The following BMPR2 variants were observed in gnomAD, a reference collection of about 807,000 sequenced individuals.
BMPR2 encodes bone morphogenetic protein receptor type-2.
BMPR2 carries 29 observed loss-of-function variants against 100.8 expected under a neutral mutation model. The ratio of observed to expected loss-of-function variants is 0.29; its 90% CI spans 0.21 to 0.39. BMPR2 has a LOEUF of 0.39. Among genes scored for constraint, BMPR2 ranks in the 10% least tolerant of loss-of-function variants. The pLI is 1.00. For synonymous variants in BMPR2, 382 were observed against 442.3 expected (o/e 0.86, Z 1.71); for missense variants, 1,011 against 1,274.5 (o/e 0.79, Z 3.15).
At chr2:202,399,391 C>T (rs556512807) in intron 1 of BMPR2, among the ~76,000 whole-genome samples, 1 of 152,208 alleles carries the variant, frequency 6.6e-6, no homozygotes, top group South Asian at 2.1e-4. Flanking sequence ...CTCGATATTT[C>T]ACAGGATCGG....
Position 202,550,621 on chromosome 2 carries a change from G to C in BMPR2, c.1414-2095G>C, listed in dbSNP as rs371380290. On this transcript the variant is annotated intron_variant, in intron 10 of 12. Transcript: ENST00000374580. ...TGTAATCCCAGCACTTTGGGAGACCGAGGCAGAAGGAACATTTTGGCACAG... is the reference window on the plus strand; with the variant it reads ...TGTAATCCCAGCACTTTGGGAGACCCAGGCAGAAGGAACATTTTGGCACAG... Among the ~76,000 whole-genome samples the C allele has an allele frequency of 5.9e-5, 9 of 151,908 alleles. No individual in the cohort carries two copies. In the East Asian group the frequency reaches 1.6e-3, roughly 26 times the overall value.
chr2:202,386,874 G>A (rs1362914754), intron 1 of BMPR2, among the ~76,000 whole-genome samples: 4 of 152,010 alleles, frequency 2.6e-5, no homozygotes, highest in African/African-American at 4.8e-5. Flanking sequence ...TAGTAGAGAC[G>A]GGATTTCACT....
At chr2:202,504,714 C>T (rs1157267035) in intron 3 of BMPR2, among the ~76,000 whole-genome samples, 1 of 137,702 alleles carries the variant, frequency 7.3e-6, no homozygotes, top group Non-Finnish European at 1.5e-5. Flanking sequence ...GAGTCGCACT[C>T]TGTCACTCAG....
intron 12 of BMPR2, among the ~76,000 whole-genome samples, chr2:202,558,324 C>G (rs1313919654): frequency 6.6e-6 from 1 of 151,222 alleles, no homozygotes; most frequent in Admixed American, 6.6e-5. Flanking sequence ...GTTGGCCAGG[C>G]TGGTCTCGAA....
At chr2:202,409,374 T>C (rs1027875897) in intron 1 of BMPR2, among the ~76,000 whole-genome samples, 2 of 151,990 alleles carry the variant, frequency 1.3e-5, no homozygotes, top group Admixed American at 1.3e-4. Flanking sequence ...TACACATATA[T>C]TTCAAAAAAA....
chr2:202,552,637 A>T, intron 10 of BMPR2, 79 bp from the exon 11 acceptor site: 1 of 1,475,932 alleles, frequency 6.8e-7, no homozygotes, highest in Non-Finnish European at 9.4e-7. Context: ...TTTTTCTTTT[A>T]CCTCATGTGG....
Position 202,541,897 on chromosome 2 carries a change from A to G in BMPR2, c.1277-414A>G, listed in dbSNP as rs553437326. 3.9e-5 allele frequency among the ~76,000 whole-genome samples: 6 copies of G among 152,242 alleles called. No homozygotes were observed. The South Asian group carries it at 1.2e-3, about 32-fold the overall frequency. ...GAGGCCGAGGCTGGTGGATCACCTG[A>G]GGTCAGGAGTTCAAGACCAGCCTGG... On this transcript the variant is annotated intron_variant, in intron 9 of 12. Transcript: ENST00000374580.
At chr2:202,473,070 A>G (rs1338754572) in intron 3 of BMPR2, among the ~76,000 whole-genome samples, 1 of 152,250 alleles carries the variant, frequency 6.6e-6, no homozygotes. Flanking sequence ...GAAAGAAAAT[A>G]TAAAAATCAG....
At chr2:202,502,951 C>T (rs1040659468) in intron 3 of BMPR2, among the ~76,000 whole-genome samples, 2 of 152,138 alleles carry the variant, frequency 1.3e-5, no homozygotes, top group South Asian at 2.1e-4. Context: ...TTGTCAAATT[C>T]GTTTCCTCTA....
chr2:202,493,512 T>C (rs1355258805), intron 3 of BMPR2, among the ~76,000 whole-genome samples: 3 of 152,200 alleles, frequency 2.0e-5, no homozygotes, highest in Admixed American at 1.3e-4. Flanking sequence ...TTAAAATTCC[T>C]AGTCTGTTTA....
At chr2:202,558,891 TC>T (rs925266823) in intron 12 of BMPR2, among the ~76,000 whole-genome samples, 1 of 69,592 alleles carries the variant, frequency 1.4e-5, no homozygotes, top group Admixed American at 1.6e-4. Flanking sequence ...AAACTCCATC[TC>T]AAAAAAAAAA....
At chr2:202,377,927 T>A (rs1259083469) in intron 1 of BMPR2, among the ~76,000 whole-genome samples, 1 of 152,240 alleles carries the variant, frequency 6.6e-6, no homozygotes, top group African/African-American at 2.4e-5. Context: ...TTTTTAAAAT[T>A]ATTATTATAA....
At chr2:202,529,108 T>C (rs193093655) in intron 7 of BMPR2, among the ~76,000 whole-genome samples, 5 of 152,312 alleles carry the variant, frequency 3.3e-5, no homozygotes, top group East Asian at 3.9e-4. Flanking sequence ...AAAATAGATA[T>C]AGACAACTCA....
chr2:202,461,641 A>G (rs1197278116), intron 1 of BMPR2, among the ~76,000 whole-genome samples: 1 of 152,222 alleles, frequency 6.6e-6, no homozygotes, highest in Non-Finnish European at 1.5e-5. Flanking sequence ...GACCTGTGCA[A>G]ACAGTTTTGA....
At chr2:202,473,606 A>G (rs1025719971) in intron 3 of BMPR2, among the ~76,000 whole-genome samples, 1 of 151,324 alleles carries the variant, frequency 6.6e-6, no homozygotes, top group African/African-American at 2.4e-5. Context: ...CCTGGCCAAC[A>G]TGGAAAAACC....
intron 3 of BMPR2, among the ~76,000 whole-genome samples, chr2:202,482,015 C>A (rs1692670443): frequency 6.6e-6 from 1 of 152,080 alleles, no homozygotes; most frequent in South Asian, 2.1e-4. Context: ...CTCCAGCCAC[C>A]CTCTACTTTC....
intron 1 of BMPR2, among the ~76,000 whole-genome samples, chr2:202,421,789 A>C (rs1318792344): frequency 6.6e-6 from 1 of 152,004 alleles, no homozygotes; most frequent in Admixed American, 6.6e-5. Context: ...TTGGGAAAAC[A>C]CAACTGGGGG....
chr2:202,464,752 A>T, intron 1 of BMPR2, 57 bp from the exon 2 acceptor site: 8 of 1,484,466 alleles, frequency 5.4e-6, no homozygotes, highest in Non-Finnish European at 7.3e-6. Context: ...CAAAGATTTT[A>T]TATAATATTT....
intron 1 of BMPR2, among the ~76,000 whole-genome samples, chr2:202,429,594 A>C (rs763304120): frequency 6.6e-6 from 1 of 152,164 alleles, no homozygotes; most frequent in Non-Finnish European, 1.5e-5. Context: ...GCAGTATATT[A>C]GTCTGCTTGG....
Sources: gnomAD v4.1 joint callset for allele counts (sites outside exome capture counted in the v4.1 genomes callset) on GRCh38, gnomAD v4.1.1 for gene constraint, MANE v1.5 for transcripts, NCBI Gene and HGNC (gene_info 2026-07-23, HGNC 2026-07-21) for gene names.